The following DOCK5 variants were observed in gnomAD, a reference collection of about 807,000 sequenced individuals.
DOCK5 encodes dedicator of cytokinesis 5, also known as dedicator of cytokinesis protein 5.
A neutral mutation model predicts 251.8 loss-of-function variants in DOCK5; 142 were observed. The observed-to-expected ratio is 0.56, with a 90% CI of 0.49 to 0.65. The LOEUF (loss-of-function observed/expected upper bound fraction) is 0.65, where lower values mean the gene tolerates loss of function less well. Among genes scored for constraint, DOCK5 ranks in the 30% least tolerant of loss-of-function variants. The pLI is 0.00. For missense variants in DOCK5, 2,111 were observed against 2,312.3 expected, an observed-to-expected ratio of 0.91 and a Z score of 1.79; for synonymous variants, 842 against 835.5, an observed-to-expected ratio of 1.01 and a Z score of -0.13.
At chr8:25,199,136 T>C (rs1801806712) in intron 1 of DOCK5, among the ~76,000 whole-genome samples, 1 of 152,134 alleles carries the variant, frequency 6.6e-6, no homozygotes, top group South Asian at 2.1e-4. Context: ...AATGTGGCAT[T>C]GTTACTACAT....
Position 25,296,360 on chromosome 8 carries a change from C to T in DOCK5, c.471-153C>T, listed in dbSNP as rs546947818. 3.6e-4 allele frequency among the ~76,000 whole-genome samples: 55 copies of T among 152,262 alleles called. 1 individual carries two copies. The South Asian group carries it at 0.011, about 29-fold the overall frequency. On this transcript the variant is annotated intron_variant, in intron 6 of 51. Coordinates refer to ENST00000276440, the MANE Select transcript of DOCK5 (RefSeq NM_024940.8). ...TAACAGTGTTGAAAGGTGGCAGAAA[C>T]TGAAATGAGAAAAGTCAATGAGGTG...
At chr8:25,409,748 A>C (rs982021694) in intron 50 of DOCK5, 1 of 160,780 alleles carries the variant, frequency 6.2e-6, no homozygotes, top group African/African-American at 2.4e-5. Context: ...TGGGAGGCTG[A>C]GGCAGGAGAA....
rs549818931 is a variant in DOCK5, at chr8:25,255,414, G to A, written c.127+11657G>A. On this transcript the variant is annotated intron_variant, in intron 2 of 51. Transcript: ENST00000276440. ...TCAAGCCATAAAAAGACATAGATAT[G>A]CATGTTACTAAGTAAAAAGAGTCAA... Among the ~76,000 whole-genome samples, 3 of 152,268 alleles carry A rather than the reference G, an allele frequency of 2.0e-5. No homozygotes were observed. In the South Asian group the frequency reaches 6.2e-4, roughly 32 times the overall value.
At chr8:25,374,412 T>G (rs1409597021) in intron 36 of DOCK5, among the ~76,000 whole-genome samples, 152 bp from the exon 37 acceptor site, 1 of 152,166 alleles carries the variant, frequency 6.6e-6, no homozygotes, top group African/African-American at 2.4e-5. Context: ...GGTGGATCAC[T>G]TGAGCCCTGG....
At chr8:25,251,868 A>T (rs1187895248) in intron 2 of DOCK5, among the ~76,000 whole-genome samples, 3 of 152,144 alleles carry the variant, frequency 2.0e-5, no homozygotes, top group Admixed American at 6.6e-5. Context: ...GTGCACCCAT[A>T]ATCCCAGCTA....
intron 25 of DOCK5, 31 bp from the exon 26 acceptor site, chr8:25,345,444 G>A (rs759953152): frequency 1.2e-6 from 2 of 1,611,406 alleles, no homozygotes; most frequent in East Asian, 4.5e-5. Context: ...TGGCACTGCT[G>A]TGTGTGAGCT....
chr8:25,266,075 G>A (rs925249658), intron 2 of DOCK5, among the ~76,000 whole-genome samples: 3 of 151,772 alleles, frequency 2.0e-5, no homozygotes, highest in African/African-American at 7.3e-5. Flanking sequence ...GGCAAGAGTG[G>A]CCCTCTGGAC....
chr8:25,384,898 A>G (rs531773825), intron 40 of DOCK5, among the ~76,000 whole-genome samples: 1 of 152,108 alleles, frequency 6.6e-6, no homozygotes, highest in Non-Finnish European at 1.5e-5. Context: ...GTGCCACTGC[A>G]CTCCAGCCTG....
chr8:25,365,500 T>C (rs1230936568), intron 30 of DOCK5, among the ~76,000 whole-genome samples: 1 of 152,230 alleles, frequency 6.6e-6, no homozygotes, highest in African/African-American at 2.4e-5. Context: ...GAAAGTATAC[T>C]CCACAGAGTG....
chr8:25,341,065 C>G (rs892747377), intron 23 of DOCK5, 77 bp downstream of exon 23: 9 of 1,041,580 alleles, frequency 8.6e-6, no homozygotes, highest in East Asian at 5.2e-5. Context: ...AATTGGCCAT[C>G]ATGAGGGAGA....
chr8:25,234,070 A>G (rs915293273), intron 1 of DOCK5, among the ~76,000 whole-genome samples: 4 of 152,246 alleles, frequency 2.6e-5, no homozygotes, highest in African/African-American at 7.2e-5. Flanking sequence ...CAGGGCCGGA[A>G]GCTGCTGTTG....
intron 2 of DOCK5, among the ~76,000 whole-genome samples, chr8:25,258,716 A>G (rs1803488542): frequency 6.6e-6 from 1 of 152,214 alleles, no homozygotes; most frequent in South Asian, 2.1e-4. Context: ...ATACCTAGCC[A>G]GTGGCTCAAG....
intron 2 of DOCK5, among the ~76,000 whole-genome samples, chr8:25,246,393 C>A (rs1215069561): frequency 6.6e-6 from 1 of 152,152 alleles, no homozygotes; most frequent in Admixed American, 6.5e-5. Flanking sequence ...CCTACCTCAG[C>A]CTCCTGAGTA....
At chr8:25,360,055 A>G (rs557477342) in intron 28 of DOCK5, among the ~76,000 whole-genome samples, 1 of 152,304 alleles carries the variant, frequency 6.6e-6, no homozygotes, top group Non-Finnish European at 1.5e-5. Context: ...TGTTGACACT[A>G]GTCTTTGGAT....
chr8:25,227,974 T>A (rs1802572446), intron 1 of DOCK5, among the ~76,000 whole-genome samples: 1 of 152,042 alleles, frequency 6.6e-6, no homozygotes. Flanking sequence ...AGCCTCCACC[T>A]GCCAGGCTCC....
At chr8:25,368,914 G>T (rs557517181) in intron 33 of DOCK5, among the ~76,000 whole-genome samples, 189 bp downstream of exon 33, 1 of 152,342 alleles carries the variant, frequency 6.6e-6, no homozygotes, top group South Asian at 2.1e-4. Flanking sequence ...GCCTGGAAAA[G>T]ATTTTTTTGC....
At chr8:25,249,766 T>C (rs1008522502) in intron 2 of DOCK5, among the ~76,000 whole-genome samples, 3 of 152,180 alleles carry the variant, frequency 2.0e-5, no homozygotes, top group South Asian at 2.1e-4. Flanking sequence ...TTTTATTCTT[T>C]GTAGAGACAG....
At chr8:25,249,872 G>T (rs1803221079) in intron 2 of DOCK5, among the ~76,000 whole-genome samples, 2 of 152,194 alleles carry the variant, frequency 1.3e-5, no homozygotes, top group Non-Finnish European at 2.9e-5. Flanking sequence ...AGTGTGTTGG[G>T]ATTATAGGCA....
chr8:25,270,904 C>T, intron 3 of DOCK5: 1 of 672,924 alleles, frequency 1.5e-6, no homozygotes, highest in East Asian at 2.7e-5. Context: ...TACTTTAAAT[C>T]ATGTCTAGAT....
Sources: allele counts gnomAD v4.1 joint callset (sites outside exome capture counted in the v4.1 genomes callset), GRCh38; gene constraint gnomAD v4.1.1; transcripts MANE v1.5; gene names NCBI Gene and HGNC (gene_info 2026-07-23, HGNC 2026-07-21).